Variants in WDR72 observed in about 807,000 individuals in gnomAD.
WDR72 encodes the protein WD repeat-containing protein 72.
WDR72 carries 120 observed loss-of-function variants against 124.2 expected under a neutral mutation model. The ratio of observed to expected loss-of-function variants is 0.97; its 90% CI spans 0.83 to 1.12. The LOEUF is 1.12. WDR72 is among the 50% of genes most tolerant of loss of function. The pLI is 0.00. For synonymous variants in WDR72, 452 were observed against 441.7 expected (o/e 1.02, Z -0.29); for missense variants, 1,387 against 1,278.8 (o/e 1.08, Z -1.29).
chr15:53,680,283 T>C (rs2016334856), intron 13 of WDR72, among the ~76,000 whole-genome samples: 1 of 152,198 alleles, frequency 6.6e-6, no homozygotes, highest in Admixed American at 6.5e-5. Context: ...TGGCGGATTG[T>C]TTTATCTATG....
chr15:53,538,613 G>A (rs571057562), intron 18 of WDR72, among the ~76,000 whole-genome samples: 2 of 152,150 alleles, frequency 1.3e-5, no homozygotes, highest in East Asian at 3.9e-4. Context: ...GTTAACATTG[G>A]GTGATGCGGA....
At chr15:53,752,982 A>G (rs948701904) in intron 1 of WDR72, among the ~76,000 whole-genome samples, 1 of 152,170 alleles carries the variant, frequency 6.6e-6, no homozygotes, top group Non-Finnish European at 1.5e-5. Context: ...TTCACAACCT[A>G]TAAGTCAAAT....
intron 18 of WDR72, among the ~76,000 whole-genome samples, chr15:53,536,707 T>C (rs1892782229): frequency 6.6e-6 from 1 of 152,196 alleles, no homozygotes; most frequent in African/African-American, 2.4e-5. Flanking sequence ...AGAATTGAGA[T>C]CTTTTAACGG....
chr15:53,760,814 T>C (rs539118687), upstream of WDR72, among the ~76,000 whole-genome samples: 6 of 152,284 alleles, frequency 3.9e-5, no homozygotes, highest in South Asian at 1.2e-3. Context: ...GGAAAAAATA[T>C]AATAATTCAG....
intron 18 of WDR72, among the ~76,000 whole-genome samples, chr15:53,578,735 C>T (rs1566968203): frequency 6.7e-6 from 1 of 150,234 alleles, no homozygotes; most frequent in Admixed American, 6.6e-5. Flanking sequence ...ATAAATAAAA[C>T]TTAAAACAAA....
At chr15:53,758,506 G>A (rs1107729) in intron 1 of WDR72, among the ~76,000 whole-genome samples, 46,845 of 151,412 alleles carry the variant, frequency 0.31, 7,702 homozygotes, top group East Asian at 0.41. Flanking sequence ...TATTGAAGGA[G>A]TTAAAAAAAG....
chr15:53,605,760 C>T (rs950044397), intron 17 of WDR72, among the ~76,000 whole-genome samples: 1 of 151,942 alleles, frequency 6.6e-6, no homozygotes, highest in Non-Finnish European at 1.5e-5. Flanking sequence ...GAGGATGAGG[C>T]AGAAGCGTCG....
intron 11 of WDR72, 88 bp downstream of exon 11, chr15:53,704,900 T>C (rs2140529891): frequency 1.4e-6 from 2 of 1,465,012 alleles, no homozygotes; most frequent in Non-Finnish European, 1.9e-6. Context: ...AGCAAATTAT[T>C]TAGGCCTCTA....
intron 1 of WDR72, among the ~76,000 whole-genome samples, chr15:53,752,849 T>C (rs1453675762): frequency 6.6e-6 from 1 of 152,160 alleles, no homozygotes; most frequent in Admixed American, 6.5e-5. Context: ...ATAAATCTCC[T>C]TTCCATCTAC....
chr15:53,664,298 G>A (rs764959632), intron 14 of WDR72, among the ~76,000 whole-genome samples: 1 of 152,122 alleles, frequency 6.6e-6, no homozygotes, highest in African/African-American at 2.4e-5. Context: ...GCCAATTAAA[G>A]AATTGTCATT....
At chr15:53,734,157 C>G (rs1268157571) in intron 1 of WDR72, among the ~76,000 whole-genome samples, 2 of 152,112 alleles carry the variant, frequency 1.3e-5, no homozygotes, top group African/African-American at 4.8e-5. Context: ...TGTCTACACA[C>G]ACACACACAC....
intron 18 of WDR72, among the ~76,000 whole-genome samples, chr15:53,580,949 G>T (rs570531258): frequency 1.8e-3 from 106 of 60,370 alleles, no homozygotes; most frequent in African/African-American, 6.3e-3. Context: ...CTTTTTAAAA[G>T]ATAGTTATAA....
intron 13 of WDR72, among the ~76,000 whole-genome samples, chr15:53,681,646 A>C (rs936976527): frequency 3.9e-5 from 6 of 152,238 alleles, no homozygotes; most frequent in Admixed American, 3.9e-4. Context: ...TTAATTGATG[A>C]AAGTAATTTT....
chr15:53,605,770 G>A (rs1424923145), intron 17 of WDR72, among the ~76,000 whole-genome samples: 1 of 152,014 alleles, frequency 6.6e-6, no homozygotes, highest in African/African-American at 2.4e-5. Flanking sequence ...CAGAAGCGTC[G>A]CTTGAACCTG....
intron 17 of WDR72, among the ~76,000 whole-genome samples, chr15:53,607,965 T>A (rs1350435905): frequency 2.6e-5 from 4 of 152,140 alleles, no homozygotes; most frequent in Non-Finnish European, 5.9e-5. Flanking sequence ...CAATATCATG[T>A]CACCCCAGTT....
intron 3 of WDR72, among the ~76,000 whole-genome samples, chr15:53,718,724 T>TAA (rs59997617): frequency 1.3e-5 from 2 of 151,630 alleles, no homozygotes; most frequent in African/African-American, 2.4e-5. Context: ...CATTCTGTTA[T>TAA]AAAAAAATTA....
In WDR72 at chr15:53,681,473, T is replaced by C. The variant is rs543715183; in HGVS notation, c.1766-15705A>G. Reference sequence around the variant, plus strand: ...AGCCCCCGTAAACATTAAATGCAGATACCAGATACATAACAAACTACTCAG... The same window carrying C: ...AGCCCCCGTAAACATTAAATGCAGACACCAGATACATAACAAACTACTCAG... On this transcript the variant is annotated intron_variant, in intron 13 of 19. Transcript: ENST00000360509. Among the ~76,000 whole-genome samples, 22 of 152,218 alleles carry C rather than the reference T, an allele frequency of 1.4e-4. No individual in the cohort carries two copies. The South Asian group carries it at 3.9e-3, about 27-fold the overall frequency.
At chr15:53,722,325 G>A (rs1189587630) in intron 3 of WDR72, among the ~76,000 whole-genome samples, 7 of 152,100 alleles carry the variant, frequency 4.6e-5, no homozygotes, top group South Asian at 2.1e-4. Context: ...ATGAGCCACC[G>A]TGCCCGGCCT....
At chr15:53,530,067 G>C (rs1448200698) in intron 18 of WDR72, among the ~76,000 whole-genome samples, 2 of 146,560 alleles carry the variant, frequency 1.4e-5, no homozygotes, top group Non-Finnish European at 3.0e-5. Flanking sequence ...AGTGTTCCAA[G>C]GAGACAGCTG....
Sources: allele counts gnomAD v4.1 joint callset (sites outside exome capture counted in the v4.1 genomes callset), GRCh38; gene constraint gnomAD v4.1.1; transcripts MANE v1.5; gene names NCBI Gene and HGNC (gene_info 2026-07-23, HGNC 2026-07-21).